PALS1: variants seen among roughly 807,000 people sequenced by gnomAD.
PALS1 encodes protein PALS1.
Under a neutral mutation model 78.9 loss-of-function variants are expected in PALS1, and 31 were observed. The ratio of observed to expected loss-of-function variants is 0.39; its 90% confidence interval spans 0.30 to 0.53. The LOEUF is 0.53. Among genes scored for constraint, PALS1 ranks in the 20% least tolerant of loss-of-function variants. PALS1 has a pLI of 0.67. For synonymous variants in PALS1, 276 were observed against 270.9 expected (o/e 1.02, Z -0.18); for missense variants, 704 against 826.5 (o/e 0.85, Z 1.82).
intron 1 of PALS1, among the ~76,000 whole-genome samples, chr14:67,243,718 AAT>A (rs2083941061): frequency 1.3e-5 from 2 of 149,284 alleles, no homozygotes; most frequent in South Asian, 4.2e-4. Context: ...GGATGATCTC[AAT>A]CTCCTGACCT....
At chr14:67,248,281 G>A (rs751765109) in intron 1 of PALS1, among the ~76,000 whole-genome samples, 65 of 152,024 alleles carry the variant, frequency 4.3e-4, no homozygotes, top group Non-Finnish European at 8.4e-4. Context: ...AGCCAATTGG[G>A]AGGCTGAGGT....
intron 2 of PALS1, among the ~76,000 whole-genome samples, chr14:67,278,614 A>C (rs1220048386): frequency 1.3e-5 from 2 of 152,160 alleles, no homozygotes; most frequent in African/African-American, 4.8e-5. Context: ...AGTTATTTCA[A>C]TCCCATGTTA....
At chr14:67,309,616 A>G (rs1310722967) in intron 8 of PALS1, among the ~76,000 whole-genome samples, 4 of 152,200 alleles carry the variant, frequency 2.6e-5, no homozygotes, top group African/African-American at 9.7e-5. Flanking sequence ...ATGGAAAAGC[A>G]TCTCTGGGTG....
chr14:67,298,080 A>T (rs1305100071), intron 4 of PALS1, among the ~76,000 whole-genome samples: 1 of 152,152 alleles, frequency 6.6e-6, no homozygotes, highest in Non-Finnish European at 1.5e-5. Flanking sequence ...ATGCCAGGAG[A>T]TAGGGCTGGA....
intron 1 of PALS1, among the ~76,000 whole-genome samples, chr14:67,244,234 G>A (rs2083950998): frequency 2.0e-5 from 3 of 152,182 alleles, no homozygotes; most frequent in African/African-American, 7.2e-5. Flanking sequence ...GAGCGCATGT[G>A]TGGACGCTTT....
intron 2 of PALS1, among the ~76,000 whole-genome samples, chr14:67,276,772 A>G (rs1460234270): frequency 6.6e-6 from 1 of 152,200 alleles, no homozygotes; most frequent in Admixed American, 6.5e-5. Context: ...TTGGATCCAG[A>G]TATACAAGTA....
intron 1 of PALS1, among the ~76,000 whole-genome samples, chr14:67,248,286 T>C (rs1184005851): frequency 6.6e-6 from 1 of 151,954 alleles, no homozygotes; most frequent in Non-Finnish European, 1.5e-5. Context: ...ATTGGGAGGC[T>C]GAGGTGGGAG....
chr14:67,316,875 A>C lies in PALS1; in HGVS notation c.1269A>C (p.Ile423=). The stretch of plus-strand genomic sequence containing the variant: ...AAAGGGAAGCCATGAAACAAACCAT[A>C]GAAGAAGATAAGGAGCCAGAAAAAT... The part of the protein sequence containing the change: ...QQQREAMKQT[I]EEDKEPEKSG... The change falls in exon 10 of 15, where the codon ATA becomes ATC. Residue 423 remains isoleucine (I), a synonymous_variant. Transcript: ENST00000261681. 1.9e-6 allele frequency: 3 copies of C among 1,612,460 alleles called. No individual in the cohort carries two copies. Among genetic ancestry groups the C allele is most frequent in the Non-Finnish European group, 2.5e-6 (3 of 1,179,096 alleles).
At chr14:67,283,339 T>C (rs552243625) in intron 3 of PALS1, among the ~76,000 whole-genome samples, 208 of 152,336 alleles carry the variant, frequency 1.4e-3, no homozygotes, top group African/African-American at 4.5e-3. Context: ...AAAATAGCTC[T>C]TTCAGATTTC....
In PALS1 at chr14:67,320,211, TAAC is replaced by T; in HGVS notation, c.1370-18_1370-16del. ...TGGCCATAATTTTGTTTGAAGAGCTTAACTTTTTTTTCCCAAAGATTATGACAA... is the reference window on the plus strand; with the variant it reads ...TGGCCATAATTTTGTTTGAAGAGCTTTTTTTTTTCCCAAAGATTATGACAA... On this transcript the variant is annotated splice_polypyrimidine_tract_variant and intron_variant, in intron 11 of 14. Transcript: ENST00000261681. 4 of 1,600,178 alleles carry T rather than the reference TAAC, an allele frequency of 2.5e-6. No individual in the cohort carries two copies. The highest frequency in any genetic ancestry group is 2.6e-6 in the Non-Finnish European group (3 of 1,175,354).
intron 13 of PALS1, among the ~76,000 whole-genome samples, chr14:67,323,223 A>G (rs908897669): frequency 3.5e-5 from 4 of 115,028 alleles, no homozygotes; most frequent in Admixed American, 2.7e-4. Flanking sequence ...ATATATACAC[A>G]TATATACACG....
intron 1 of PALS1, among the ~76,000 whole-genome samples, chr14:67,257,055 T>C (rs1032459971): frequency 6.6e-6 from 1 of 152,038 alleles, no homozygotes; most frequent in Non-Finnish European, 1.5e-5. Context: ...GACATCAATA[T>C]GTACGTTGGT....
At chr14:67,284,907 T>A (rs1320681195) in intron 3 of PALS1, among the ~76,000 whole-genome samples, 1 of 151,992 alleles carries the variant, frequency 6.6e-6, no homozygotes, top group African/African-American at 2.4e-5. Context: ...GGTTAAAAAA[T>A]TTTTATTTTT....
chr14:67,285,642 A>G (rs1203782770), intron 3 of PALS1, among the ~76,000 whole-genome samples: 1 of 152,170 alleles, frequency 6.6e-6, no homozygotes, highest in Non-Finnish European at 1.5e-5. Context: ...TACTGGGATT[A>G]CAGGTGTGAG....
chr14:67,254,248 TTCTTGACAATGACTA>T (rs945429405), intron 1 of PALS1: 3 of 151,358 alleles, frequency 2.0e-5, no homozygotes, highest in Admixed American at 6.6e-5. Flanking sequence ...AGCAGCCTTT[TTCTTGACAATGACTA>T]TCCAAGTTTT....
At chr14:67,255,774 C>A (rs982589201) in intron 1 of PALS1, among the ~76,000 whole-genome samples, 1 of 152,134 alleles carries the variant, frequency 6.6e-6, no homozygotes, top group Non-Finnish European at 1.5e-5. Flanking sequence ...TCTGCCCCTA[C>A]CCACCGGGGT....
At chr14:67,325,914 T>C (rs971199447) in intron 14 of PALS1, among the ~76,000 whole-genome samples, 5 of 151,696 alleles carry the variant, frequency 3.3e-5, no homozygotes, top group Admixed American at 6.6e-5. Context: ...GTTCGAGCTA[T>C]TCTTCTGCCT....
Position 67,334,315 on chromosome 14 carries a change from G to A in PALS1, c.*1359G>A, listed in dbSNP as rs138017341. The A allele has an allele frequency of 9.7e-3, 1,475 of 152,690 alleles. 12 individuals are homozygous for A. The highest frequency in any genetic ancestry group is 0.013 in the Admixed American group (196 of 15,290). The allele number at this position is 152,690 out of a possible 1,614,324, so 9.5% of individuals were successfully genotyped here. On this transcript the variant is annotated 3_prime_UTR_variant, in exon 15 of 15. Transcript: ENST00000261681. Reference sequence around the variant, plus strand: ...AAATTCAACGTATATAATTGGCATGGAAACTTAATTTGCAGTCTTTTCAAG... The same window carrying A: ...AAATTCAACGTATATAATTGGCATGAAAACTTAATTTGCAGTCTTTTCAAG...
chr14:67,283,896 T>G (rs1006169167), intron 3 of PALS1, among the ~76,000 whole-genome samples: 4 of 152,226 alleles, frequency 2.6e-5, no homozygotes, highest in Non-Finnish European at 5.9e-5. Context: ...CTGCGAAGAT[T>G]TGCTTCGTTG....
Sources: allele counts gnomAD v4.1 joint callset (sites outside exome capture counted in the v4.1 genomes callset), GRCh38; gene constraint gnomAD v4.1.1; transcripts MANE v1.5; gene names NCBI Gene and HGNC (gene_info 2026-07-23, HGNC 2026-07-21).